The following GLI3 variants were observed in gnomAD, a reference collection of about 807,000 sequenced individuals.
GLI3 encodes transcription activator GLI3.
GLI3 carries 20 observed loss-of-function variants against 100.8 expected under a neutral mutation model. The observed-to-expected ratio is 0.20, with a 90% CI of 0.14 to 0.29. The LOEUF (loss-of-function observed/expected upper bound fraction) is 0.29, where lower values mean the gene tolerates loss of function less well. Among genes scored for constraint, GLI3 ranks in the 10% least tolerant of loss-of-function variants. The probability of loss-of-function intolerance (pLI) is 1.00; values close to 1 mark genes in which losing one functional copy is unlikely to be tolerated. For synonymous variants in GLI3, 938 were observed against 860.5 expected (o/e 1.09, Z -1.58); for missense variants, 2,040 against 2,128.5 (o/e 0.96, Z 0.82).
Position 41,964,821 on chromosome 7 carries a change from C to A in GLI3, c.4252G>T (p.Val1418Leu). 1 of 1,614,040 alleles carries A rather than the reference C, an allele frequency of 6.2e-7. No individual in the cohort carries two copies. Among genetic ancestry groups the A allele is most frequent in the Non-Finnish European group, 8.5e-7 (1 of 1,180,046 alleles). Residue 1418 changes from valine to leucine, a missense_variant, in exon 15 of 15, where the codon GTG (valine) becomes TTG (leucine). Val to Leu is a conservative substitution (Grantham distance 32). Transcript: ENST00000395925. The part of the protein sequence containing the change: ...QLSDTSQTCR[V>L]NGIKMEMKGQ... The stretch of plus-strand genomic sequence containing the variant: ...TTCATCTCCATCTTGATACCATTCA[C>A]CCTGCAGGTCTGACTTGTGTCACTG...
At position 41,964,853 on chromosome 7, in the gene GLI3, C is replaced by T; in HGVS notation, c.4220G>A (p.Gly1407Glu). ...GGTCTGACTTGTGTCACTGAGCTGTCCTGACTGCAGAGCAAGGCTGTCCCT... is the reference window on the plus strand; with the variant it reads ...GGTCTGACTTGTGTCACTGAGCTGTTCTGACTGCAGAGCAAGGCTGTCCCT... Reference protein sequence around the residue: ...MPRDSLALQSGQLSDTSQTCR... With the variant: ...MPRDSLALQSEQLSDTSQTCR... The change falls in exon 15 of 15, where the codon GGA becomes GAA. Residue 1407 changes from glycine (G) to glutamate (E), a missense_variant. Physicochemically the swap from Gly to Glu is moderately conservative, Grantham distance 98 (BLOSUM62 -2). Around this residue, in one of 5 missense-constraint regions of GLI3, gnomAD observed 1,041 missense variants for 924.0 expected, o/e 1.13. Transcript: ENST00000395925. 2 of 1,613,940 alleles carry T rather than the reference C, an allele frequency of 1.2e-6. No homozygotes were observed. The highest frequency in any genetic ancestry group is 1.7e-6 in the Non-Finnish European group (2 of 1,180,040).
intron 6 of GLI3, among the ~76,000 whole-genome samples, chr7:42,042,257 G>T (rs544572828): frequency 3.9e-4 from 60 of 152,048 alleles, no homozygotes; most frequent in African/African-American, 1.4e-3. Context: ...CTTGTGATCC[G>T]CCAGTCTCGG....
chr7:42,213,284 T>G (rs1788306570), intron 2 of GLI3, among the ~76,000 whole-genome samples: 1 of 152,264 alleles, frequency 6.6e-6, no homozygotes, highest in African/African-American at 2.4e-5. Context: ...AATATAATGC[T>G]GACCACTACA....
At position 42,048,706 on chromosome 7, in the gene GLI3, A is replaced by G. The variant is rs747263646; in HGVS notation, c.474-10T>C. On this transcript the variant is annotated splice_polypyrimidine_tract_variant and intron_variant, in intron 4 of 14. Coordinates refer to ENST00000395925, the MANE Select transcript of GLI3 (RefSeq NM_000168.6). ...AGATAAGGCGGAAGTCCTGGGTACA[A>G]AGAAAACCAGATACAAGGGGTATGC... The G allele has an allele frequency of 5.0e-6, 8 of 1,592,672 alleles. No homozygotes were observed. The highest frequency in any genetic ancestry group is 6.0e-6 in the Non-Finnish European group (7 of 1,163,116).
rs116722009 is a variant in GLI3 at position 42,003,804 on chromosome 7, G to A, written c.1497+19664C>T. Among the ~76,000 whole-genome samples, 1,194 of 152,290 alleles carry A rather than the reference G, an allele frequency of 7.8e-3. 27 individuals carry two copies. Among genetic ancestry groups the A allele is most frequent in the African/African-American group, 0.027 (1,136 of 41,572 alleles). Reference sequence around the variant, plus strand: ...CGTAAGGCACTCAAGAGACGGAAATGATAGATATGACGTAGAATATATATT... The same window carrying A: ...CGTAAGGCACTCAAGAGACGGAAATAATAGATATGACGTAGAATATATATT... On this transcript the variant is annotated intron_variant, in intron 10 of 14. Coordinates refer to ENST00000395925, the MANE Select transcript of GLI3 (RefSeq NM_000168.6).
intron 1 of GLI3, among the ~76,000 whole-genome samples, chr7:42,225,733 T>C (rs1237219817): frequency 6.6e-6 from 1 of 152,216 alleles, no homozygotes; most frequent in African/African-American, 2.4e-5. Context: ...GCTGACCTGA[T>C]GAACTAATGA....
intron 7 of GLI3, among the ~76,000 whole-genome samples, 187 bp from the exon 8 acceptor site, chr7:42,026,599 A>T (rs557280075): frequency 2.0e-5 from 3 of 152,382 alleles, no homozygotes; most frequent in African/African-American, 7.2e-5. Context: ...GATGAGACAC[A>T]CATGTGTGTG....
chr7:42,113,070 G>A (rs569539413), intron 3 of GLI3, among the ~76,000 whole-genome samples: 6 of 152,152 alleles, frequency 3.9e-5, no homozygotes, highest in East Asian at 3.9e-4. Context: ...CTACTCACTC[G>A]GGAGGCTGAG....
intron 3 of GLI3, among the ~76,000 whole-genome samples, chr7:42,080,087 T>C (rs893344405): frequency 1.3e-5 from 2 of 152,208 alleles, no homozygotes; most frequent in African/African-American, 2.4e-5. Flanking sequence ...GACACTGCCA[T>C]CTTCTCATTT....
chr7:42,262,209 T>TTCCTTCCTTCCTTCCTTCCTTCCTTCC (rs1186292634), intron 1 of GLI3, among the ~76,000 whole-genome samples: 20 of 110,890 alleles, frequency 1.8e-4, no homozygotes, highest in Admixed American at 4.7e-4. Flanking sequence ...TCCTTCCTTC[T>TTCCTTCCTTCCTTCCTTCCTTCCTTCC]TTCCTTCCTT....
intron 4 of GLI3, among the ~76,000 whole-genome samples, chr7:42,064,194 T>G (rs1562710987): frequency 6.6e-6 from 1 of 152,122 alleles, no homozygotes; most frequent in Admixed American, 6.6e-5. Context: ...CTTTATGGCT[T>G]AGGGAGAAAA....
chr7:42,210,210 A>G (rs548602619), intron 2 of GLI3, among the ~76,000 whole-genome samples: 1 of 152,130 alleles, frequency 6.6e-6, no homozygotes, highest in African/African-American at 2.4e-5. Flanking sequence ...GTATTTGTTT[A>G]CGGAGGTAGG....
chr7:42,037,204 T>C (rs1272224023), intron 7 of GLI3, among the ~76,000 whole-genome samples: 1 of 152,114 alleles, frequency 6.6e-6, no homozygotes, highest in Non-Finnish European at 1.5e-5. Context: ...GTGAGAACGG[T>C]GAGTGAGCAT....
intron 4 of GLI3, among the ~76,000 whole-genome samples, chr7:42,059,476 T>C (rs1784525394): frequency 6.7e-6 from 1 of 149,800 alleles, no homozygotes; most frequent in African/African-American, 2.4e-5. Context: ...CATTTATAAT[T>C]CTTAATTACA....
intron 3 of GLI3, among the ~76,000 whole-genome samples, chr7:42,105,689 C>G (rs76292496): frequency 0.029 from 4,484 of 152,258 alleles, 196 homozygotes; most frequent in African/African-American, 0.096. Context: ...ACAGCAGAAT[C>G]TGCAAGGTGT....
At chr7:42,262,326 CATGGGTCACTGCAGTCTCA>C (rs1215722321) in intron 1 of GLI3, among the ~76,000 whole-genome samples, 21 of 151,688 alleles carry the variant, frequency 1.4e-4, no homozygotes, top group Admixed American at 5.9e-4. Context: ...GAGGTGTAAA[CATGGGTCACTGCAGTCTCA>C]ACCTCCTAGG....
chr7:42,004,372 T>A (rs1439089761), intron 10 of GLI3, among the ~76,000 whole-genome samples: 1 of 151,958 alleles, frequency 6.6e-6, no homozygotes, highest in Non-Finnish European at 1.5e-5. Flanking sequence ...ATCACAGGAG[T>A]GTATTATTAG....
chr7:42,251,974 G>A (rs1019185066), intron 1 of GLI3, among the ~76,000 whole-genome samples: 7 of 151,942 alleles, frequency 4.6e-5, no homozygotes, highest in African/African-American at 1.5e-4. Context: ...AACTGAAAAC[G>A]GAACTACCAT....
At chr7:42,119,260 G>A (rs943835577) in intron 3 of GLI3, among the ~76,000 whole-genome samples, 1 of 152,338 alleles carries the variant, frequency 6.6e-6, no homozygotes, top group South Asian at 2.1e-4. Flanking sequence ...AAGAACATGT[G>A]AGGAAAGCAA....
Sources: gnomAD v4.1 joint callset for allele counts (sites outside exome capture counted in the v4.1 genomes callset) on GRCh38, gnomAD v4.1.1 for gene constraint, gnomAD v4.1.1 regional missense constraint, MANE v1.5 for transcripts, NCBI Gene and HGNC (gene_info 2026-07-23, HGNC 2026-07-21) for gene names.